The following ANKS1B variants were observed in gnomAD, a reference collection of about 807,000 sequenced individuals.
The protein encoded by ANKS1B is ankyrin repeat and sterile alpha motif domain-containing protein 1B.
Under a neutral mutation model 148.3 loss-of-function variants are expected in ANKS1B, and 36 were observed. The ratio of observed to expected loss-of-function variants is 0.24; its 90% CI spans 0.19 to 0.32. ANKS1B has a LOEUF of 0.32. Ranked by LOEUF, ANKS1B falls within the 10% of genes least tolerant of loss-of-function variation. The pLI, the probability that ANKS1B is intolerant of heterozygous loss-of-function variation, is 1.00. For synonymous variants in ANKS1B, 542 were observed against 560.8 expected (o/e 0.97, Z 0.47); for missense variants, 1,157 against 1,542.6 (o/e 0.75, Z 4.19).
chr12:99,065,139 C>CT (rs1317427043), intron 16 of ANKS1B, among the ~76,000 whole-genome samples: 1 of 152,060 alleles, frequency 6.6e-6, no homozygotes, highest in African/African-American at 2.4e-5. Context: ...CACGGGGTCT[C>CT]TTTTTTTCTC....
chr12:99,356,227 G>C (rs1175214346), intron 12 of ANKS1B, among the ~76,000 whole-genome samples: 1 of 152,190 alleles, frequency 6.6e-6, no homozygotes, highest in Non-Finnish European at 1.5e-5. Context: ...GCCATGGCTT[G>C]TGGAATGGCA....
At position 98,909,965 on chromosome 12, in the gene ANKS1B, C is replaced by T. The variant is rs145784323; in HGVS notation, c.2779-77829G>A. 7.2e-4 allele frequency among the ~76,000 whole-genome samples: 109 copies of T among 152,320 alleles called. 1 individual carries two copies. In the East Asian group the frequency reaches 0.019, roughly 27 times the overall value. On this transcript the variant is annotated intron_variant, in intron 17 of 26. Coordinates refer to ENST00000683438, the MANE Select transcript of ANKS1B (RefSeq NM_001352186.2). ...GAATCAGCTGCCAGCAGCCAATGGG[C>T]TTCTGAGCATTCATAAGCAGACCAG...
At chr12:98,780,528 C>A (rs186622450) in intron 24 of ANKS1B, among the ~76,000 whole-genome samples, 1 of 152,206 alleles carries the variant, frequency 6.6e-6, no homozygotes, top group Non-Finnish European at 1.5e-5. Flanking sequence ...CACAGCGGAG[C>A]CACAGCATGG....
chr12:99,856,019 G>C (rs12299561), intron 1 of ANKS1B, among the ~76,000 whole-genome samples: 93,812 of 151,750 alleles, frequency 0.62, 30,494 homozygotes, highest in African/African-American at 0.77. Context: ...GAAACAAGAA[G>C]CAACCAAACC....
At chr12:99,501,797 G>C (rs1250564816) in intron 10 of ANKS1B, among the ~76,000 whole-genome samples, 1 of 152,102 alleles carries the variant, frequency 6.6e-6, no homozygotes, top group Non-Finnish European at 1.5e-5. Context: ...CTTTAGTGCA[G>C]CATTTATTTC....
At chr12:99,845,214 C>T (rs746657262) in intron 1 of ANKS1B, among the ~76,000 whole-genome samples, 60 of 152,124 alleles carry the variant, frequency 3.9e-4, no homozygotes, top group Non-Finnish European at 5.0e-4. Flanking sequence ...TATTTGAATA[C>T]CTTTATTTCT....
At chr12:98,810,181 CTT>C (rs1365718588) in intron 19 of ANKS1B, among the ~76,000 whole-genome samples, 1 of 152,240 alleles carries the variant, frequency 6.6e-6, no homozygotes, top group Non-Finnish European at 1.5e-5. Flanking sequence ...GATTCAGTAA[CTT>C]TATCCAAATA....
intron 11 of ANKS1B, among the ~76,000 whole-genome samples, chr12:99,405,352 A>G (rs948102344): frequency 4.8e-5 from 7 of 146,202 alleles, no homozygotes; most frequent in African/African-American, 1.5e-4. Flanking sequence ...AGACAGTACA[A>G]TAAGACATAA....
chr12:99,094,825 A>G (rs1338797418), intron 15 of ANKS1B, among the ~76,000 whole-genome samples: 1 of 152,204 alleles, frequency 6.6e-6, no homozygotes, highest in Non-Finnish European at 1.5e-5. Flanking sequence ...TTCCAAGTGC[A>G]ATGGGAAACA....
At chr12:99,836,584 A>C (rs1429501334) in intron 1 of ANKS1B, among the ~76,000 whole-genome samples, 2 of 152,136 alleles carry the variant, frequency 1.3e-5, no homozygotes, top group Non-Finnish European at 2.9e-5. Flanking sequence ...ACCTCTCTTC[A>C]ATATATACAG....
At chr12:99,403,832 C>A in intron 11 of ANKS1B, among the ~76,000 whole-genome samples, 1 of 145,670 alleles carries the variant, frequency 6.9e-6, no homozygotes, top group East Asian at 1.9e-4. Flanking sequence ...GGTATATACC[C>A]AAAGGAATAT....
chr12:99,535,566 C>A lies in ANKS1B; in HGVS notation c.1273-30925G>T, dbSNP rs78702654. Among the ~76,000 whole-genome samples the A allele has an allele frequency of 2.7e-4, 41 of 152,252 alleles. 2 individuals carry two copies. The East Asian group carries it at 7.7e-3, about 29-fold the overall frequency. On this transcript the variant is annotated intron_variant, in intron 9 of 26. Coordinates refer to ENST00000683438, the MANE Select transcript of ANKS1B (RefSeq NM_001352186.2). ...AACTCTCTAGCATAGCGCTGTATATCCCAACATGCCAATTTCACCTTCTTT... is the reference window on the plus strand; with the variant it reads ...AACTCTCTAGCATAGCGCTGTATATACCAACATGCCAATTTCACCTTCTTT...
intron 17 of ANKS1B, among the ~76,000 whole-genome samples, chr12:99,045,084 G>A (rs550374643): frequency 6.6e-6 from 1 of 152,258 alleles, no homozygotes; most frequent in African/African-American, 2.4e-5. Context: ...GGGTCAAACG[G>A]AAGCAGCTTT....
intron 14 of ANKS1B, among the ~76,000 whole-genome samples, chr12:99,205,734 C>T (rs2153903467): frequency 6.6e-6 from 1 of 152,264 alleles, no homozygotes; most frequent in Non-Finnish European, 1.5e-5. Context: ...AGGTGCTTGA[C>T]CTTTGGGTTT....
intron 1 of ANKS1B, among the ~76,000 whole-genome samples, chr12:99,826,767 T>C (rs1157120957): frequency 6.6e-6 from 1 of 152,012 alleles, no homozygotes; most frequent in African/African-American, 2.4e-5. Flanking sequence ...CTAAAATTCA[T>C]ATGAAACCAT....
intron 17 of ANKS1B, among the ~76,000 whole-genome samples, chr12:98,857,483 G>A (rs766290892): frequency 6.6e-6 from 1 of 150,848 alleles, no homozygotes; most frequent in Non-Finnish European, 1.5e-5. Flanking sequence ...GGAGTTATTG[G>A]CTTTGGAGAT....
intron 9 of ANKS1B, chr12:99,647,740 G>C (rs1356610231): frequency 1.1e-5 from 2 of 180,296 alleles, no homozygotes; most frequent in African/African-American, 2.3e-5. Context: ...GTGGTCCTGC[G>C]GGGTGGTTTA....
chr12:98,985,264 C>T (rs556579692), intron 17 of ANKS1B, among the ~76,000 whole-genome samples: 4 of 152,164 alleles, frequency 2.6e-5, no homozygotes, highest in African/African-American at 9.6e-5. Context: ...AGTTATGTAC[C>T]ACTGCTCCTG....
chr12:99,256,595 A>G (rs1447225865), intron 12 of ANKS1B, among the ~76,000 whole-genome samples: 1 of 152,032 alleles, frequency 6.6e-6, no homozygotes, highest in East Asian at 1.9e-4. Flanking sequence ...TCAACTGTGA[A>G]TATCTTTCTA....
Sources: gnomAD v4.1 joint callset for allele counts (sites outside exome capture counted in the v4.1 genomes callset) on GRCh38, gnomAD v4.1.1 for gene constraint, MANE v1.5 for transcripts, NCBI Gene and HGNC (gene_info 2026-07-23, HGNC 2026-07-21) for gene names.